NAALADL2: variants seen among roughly 807,000 people sequenced by gnomAD.
The protein encoded by NAALADL2 is inactive N-acetylated-alpha-linked acidic dipeptidase-like protein 2.
NAALADL2 carries 76 observed loss-of-function variants against 87.2 expected under a neutral mutation model. The ratio of observed to expected loss-of-function variants is 0.87; its 90% CI spans 0.72 to 1.05. NAALADL2 has a LOEUF of 1.05. Ranked by LOEUF, NAALADL2 falls within the 50% of genes least tolerant of loss-of-function variation. The pLI, the probability that NAALADL2 is intolerant of heterozygous loss-of-function variation, is 0.00. For synonymous variants in NAALADL2, 354 were observed against 331.0 expected, an observed-to-expected ratio of 1.07 and a Z score of -0.75; for missense variants, 1,089 against 945.8, an observed-to-expected ratio of 1.15 and a Z score of -1.99.
At chr3:174,492,920 A>G (rs2108353076) in intron 1 of NAALADL2, among the ~76,000 whole-genome samples, 1 of 152,326 alleles carries the variant, frequency 6.6e-6, no homozygotes, top group Middle Eastern at 3.4e-3. Flanking sequence ...ACTAAAATCA[A>G]TTCAGTTATT....
At chr3:174,500,993 A>T (rs1718843033) in intron 1 of NAALADL2, among the ~76,000 whole-genome samples, 2 of 151,440 alleles carry the variant, frequency 1.3e-5, no homozygotes, top group Admixed American at 1.3e-4. Context: ...AGTAGCTGGG[A>T]TTATAGGCGC....
At chr3:175,670,254 G>A (rs1376197940) in intron 11 of NAALADL2, among the ~76,000 whole-genome samples, 4 of 151,620 alleles carry the variant, frequency 2.6e-5, no homozygotes, top group South Asian at 4.1e-4. Flanking sequence ...GGGACAATCA[G>A]CAATAATCAC....
At chr3:175,073,394 C>A (rs561268393) in intron 1 of NAALADL2, among the ~76,000 whole-genome samples, 1 of 152,098 alleles carries the variant, frequency 6.6e-6, no homozygotes, top group African/African-American at 2.4e-5. Context: ...CAGAGCAGCT[C>A]TATATTTCTC....
At chr3:175,787,277 A>G (rs1309755650) in intron 13 of NAALADL2, among the ~76,000 whole-genome samples, 1 of 151,982 alleles carries the variant, frequency 6.6e-6, no homozygotes, top group Non-Finnish European at 1.5e-5. Context: ...TTACCTAATC[A>G]AGCCTGGGCA....
chr3:175,274,668 A>G (rs2110037626), intron 4 of NAALADL2, among the ~76,000 whole-genome samples: 1 of 152,234 alleles, frequency 6.6e-6, no homozygotes, highest in East Asian at 1.9e-4. Context: ...CTATGACCTT[A>G]AGAAAATTAC....
At chr3:175,604,276 C>A (rs1179809602) in intron 10 of NAALADL2, among the ~76,000 whole-genome samples, 1 of 140,226 alleles carries the variant, frequency 7.1e-6, no homozygotes, top group African/African-American at 2.6e-5. Flanking sequence ...ATTGTAGTTT[C>A]TTTTTCTCAT....
chr3:174,641,351 T>G (rs1723168471), intron 2 of NAALADL2, among the ~76,000 whole-genome samples: 1 of 152,172 alleles, frequency 6.6e-6, no homozygotes, highest in Admixed American at 6.5e-5. Context: ...AGCCATGTGG[T>G]GACAAGTCCT....
chr3:175,726,530 T>A (rs1028840298), intron 11 of NAALADL2, among the ~76,000 whole-genome samples: 1 of 152,140 alleles, frequency 6.6e-6, no homozygotes. Flanking sequence ...TATTTTATAC[T>A]AGCTCTAAGG....
At chr3:175,765,342 A>G (rs1359816263) in intron 13 of NAALADL2, among the ~76,000 whole-genome samples, 2 of 152,100 alleles carry the variant, frequency 1.3e-5, no homozygotes, top group East Asian at 3.8e-4. Flanking sequence ...CCATTTCTAA[A>G]AGGAGCAGAA....
intron 1 of NAALADL2, among the ~76,000 whole-genome samples, chr3:174,940,842 G>A (rs1373317048): frequency 6.6e-6 from 1 of 151,894 alleles, no homozygotes; most frequent in Non-Finnish European, 1.5e-5. Context: ...TATTTCTGTG[G>A]GGTCACTGGT....
intron 1 of NAALADL2, among the ~76,000 whole-genome samples, chr3:174,458,151 A>AT (rs967322552): frequency 1.2e-4 from 19 of 152,168 alleles, no homozygotes; most frequent in Non-Finnish European, 2.4e-4. Context: ...TGAAAAATGA[A>AT]TTTTTTTAAT....
intron 1 of NAALADL2, among the ~76,000 whole-genome samples, chr3:174,547,189 A>T (rs1427535032): frequency 6.6e-6 from 1 of 152,172 alleles, no homozygotes; most frequent in Non-Finnish European, 1.5e-5. Context: ...GCAGTAACAT[A>T]ATCATGAAAT....
chr3:175,654,218 C>G (rs1731154966), intron 11 of NAALADL2, among the ~76,000 whole-genome samples: 1 of 152,154 alleles, frequency 6.6e-6, no homozygotes, highest in South Asian at 2.1e-4. Flanking sequence ...CTCTTCCTTA[C>G]TAATGAGTGT....
chr3:174,830,704 G>A (rs1036755834), intron 3 of NAALADL2, among the ~76,000 whole-genome samples: 37 of 152,160 alleles, frequency 2.4e-4, no homozygotes, highest in African/African-American at 8.9e-4. Context: ...GGGCAGTATG[G>A]CCATTTTCAC....
chr3:175,641,382 T>A (rs1729269067), intron 11 of NAALADL2, among the ~76,000 whole-genome samples: 1 of 152,220 alleles, frequency 6.6e-6, no homozygotes, highest in Non-Finnish European at 1.5e-5. Context: ...TTTTCCGTCC[T>A]TCAGTATGTT....
chr3:174,773,849 TCA>T (rs1714879704), intron 3 of NAALADL2, among the ~76,000 whole-genome samples: 1 of 151,232 alleles, frequency 6.6e-6, no homozygotes, highest in Non-Finnish European at 1.5e-5. Flanking sequence ...TTCCCTCCTC[TCA>T]GTTCTAGCTG....
intron 5 of NAALADL2, among the ~76,000 whole-genome samples, chr3:175,354,140 ATTTAATTTTAAAGAAAGT>A (rs1330921557): frequency 6.6e-6 from 1 of 152,182 alleles, no homozygotes; most frequent in African/African-American, 2.4e-5. Flanking sequence ...ATAAATCATT[ATTTAATTTTAAAGAAAGT>A]TATCAAACAA....
At chr3:174,963,121 A>G (rs1014461819) in intron 1 of NAALADL2, among the ~76,000 whole-genome samples, 1 of 152,082 alleles carries the variant, frequency 6.6e-6, no homozygotes, top group South Asian at 2.1e-4. Flanking sequence ...GGTCAAATAT[A>G]CATTCTGTTT....
intron 3 of NAALADL2, among the ~76,000 whole-genome samples, chr3:174,784,866 TC>T (rs1318080614): frequency 1.3e-5 from 2 of 152,206 alleles, no homozygotes; most frequent in African/African-American, 4.8e-5. Flanking sequence ...TTTATACACT[TC>T]CTTGAAGTGT....
Sources: allele counts gnomAD v4.1 joint callset (sites outside exome capture counted in the v4.1 genomes callset), GRCh38; gene constraint gnomAD v4.1.1; transcripts MANE v1.5; gene names NCBI Gene and HGNC (gene_info 2026-07-23, HGNC 2026-07-21).